The following PRKCE variants were observed in gnomAD, a reference collection of about 807,000 sequenced individuals.
The protein encoded by PRKCE is protein kinase C epsilon, also known as protein kinase C epsilon type.
PRKCE carries 16 observed loss-of-function variants against 85.4 expected under a neutral mutation model. That is an observed-to-expected ratio of 0.19 (90% CI 0.13 to 0.28). The LOEUF is 0.28. PRKCE is among the 10% of genes least tolerant of loss of function. The probability of loss-of-function intolerance (pLI) is 1.00; values close to 1 mark genes in which losing one functional copy is unlikely to be tolerated. For missense variants in PRKCE, 573 were observed against 975.2 expected (o/e 0.59, Z 5.49); for synonymous variants, 388 against 371.5 (o/e 1.04, Z -0.51).
chr2:45,855,635 GA>G (rs1025783575), intron 2 of PRKCE, among the ~76,000 whole-genome samples: 7 of 152,194 alleles, frequency 4.6e-5, no homozygotes, highest in Non-Finnish European at 1.0e-4. Context: ...GACTTTAGGG[GA>G]AACATCCTTT....
intron 2 of PRKCE, among the ~76,000 whole-genome samples, chr2:45,930,588 G>C (rs995718352): frequency 1.3e-5 from 2 of 152,256 alleles, no homozygotes; most frequent in Non-Finnish European, 2.9e-5. Context: ...TCCTTTGTCT[G>C]TGGAGGGCAT....
chr2:46,036,764 C>T (rs889392081), intron 10 of PRKCE, among the ~76,000 whole-genome samples: 3 of 152,130 alleles, frequency 2.0e-5, no homozygotes, highest in African/African-American at 4.8e-5. Flanking sequence ...ACACTGCAAG[C>T]CCGGCGGACA....
At chr2:46,086,822 T>G (rs1340173528) in intron 11 of PRKCE, among the ~76,000 whole-genome samples, 1 of 152,174 alleles carries the variant, frequency 6.6e-6, no homozygotes, top group Non-Finnish European at 1.5e-5. Context: ...CTTGAGGGAC[T>G]GGGGGTTTAT....
chr2:45,992,572 C>G (rs529983501), intron 6 of PRKCE, among the ~76,000 whole-genome samples: 4 of 152,232 alleles, frequency 2.6e-5, no homozygotes, highest in Non-Finnish European at 5.9e-5. Context: ...CTTGGCATGA[C>G]TGGAACCTGT....
chr2:45,659,427 C>G (rs1016648161), intron 1 of PRKCE, among the ~76,000 whole-genome samples: 2 of 152,224 alleles, frequency 1.3e-5, no homozygotes, highest in African/African-American at 4.8e-5. Flanking sequence ...TCACTATTAT[C>G]TCACACCTGG....
chr2:46,027,271 G>A (rs937031666), intron 10 of PRKCE, among the ~76,000 whole-genome samples: 2 of 152,138 alleles, frequency 1.3e-5, no homozygotes, highest in Non-Finnish European at 2.9e-5. Context: ...GGAGGTTGAG[G>A]CTGCAGTGAA....
chr2:45,935,199 A>G (rs1436139340), intron 2 of PRKCE, among the ~76,000 whole-genome samples: 4 of 152,180 alleles, frequency 2.6e-5, no homozygotes, highest in African/African-American at 9.7e-5. Flanking sequence ...GTGAGTACAT[A>G]TATTTGTTTT....
At chr2:46,113,230 A>T (rs1672439417) in intron 11 of PRKCE, among the ~76,000 whole-genome samples, 1 of 152,244 alleles carries the variant, frequency 6.6e-6, no homozygotes, top group Non-Finnish European at 1.5e-5. Flanking sequence ...GTGGTCAGTT[A>T]CTGCAAGTGT....
chr2:46,075,494 A>G (rs765329945), intron 10 of PRKCE, among the ~76,000 whole-genome samples: 6 of 152,012 alleles, frequency 3.9e-5, no homozygotes, highest in Non-Finnish European at 7.4e-5. Flanking sequence ...TAATCCCAGC[A>G]TTTTGGGAGG....
At chr2:46,063,348 GA>G (rs547596116) in intron 10 of PRKCE, among the ~76,000 whole-genome samples, 1,227 of 117,854 alleles carry the variant, frequency 0.01, 8 homozygotes, top group African/African-American at 0.023. Context: ...AAGTTGAACA[GA>G]AAAAAAAAAA....
intron 6 of PRKCE, among the ~76,000 whole-genome samples, chr2:45,987,986 G>C (rs760052727): frequency 7.9e-5 from 12 of 152,182 alleles, no homozygotes; most frequent in Non-Finnish European, 1.5e-4. Flanking sequence ...TCAAGACTTA[G>C]TGACCTGCAA....
At chr2:45,755,735 T>C (rs1434909795) in intron 1 of PRKCE, among the ~76,000 whole-genome samples, 1 of 152,194 alleles carries the variant, frequency 6.6e-6, no homozygotes, top group Non-Finnish European at 1.5e-5. Flanking sequence ...TATTATTGTA[T>C]GTATTACCAG....
At chr2:46,130,265 C>T (rs1047556516) in intron 11 of PRKCE, among the ~76,000 whole-genome samples, 1 of 151,900 alleles carries the variant, frequency 6.6e-6, no homozygotes, top group African/African-American at 2.4e-5. Flanking sequence ...CATATTTACA[C>T]TATATGTATA....
rs377738383 is a variant in PRKCE, at chr2:46,007,485, A to G, written c.1087A>G (p.Ile363Val). ...DQEIKELENNIRKALSFDNRG... is the reference protein window; with the variant it reads ...DQEIKELENNVRKALSFDNRG... ...AGAAATAAAAGAACTTGAGAACAAC[A>G]TTCGGAAAGCCTTGTCATTTGACAA... The change falls in exon 9 of 15, where the codon ATT becomes GTT. Residue 363 changes from isoleucine to valine, a missense_variant. Ile to Val is a conservative substitution (Grantham distance 29). Coordinates refer to ENST00000306156, the MANE Select transcript of PRKCE (RefSeq NM_005400.3). The G allele has an allele frequency of 7.5e-6, 12 of 1,599,694 alleles. No homozygotes were observed. In the East Asian group the frequency reaches 1.1e-4, roughly 15 times the overall value.
intron 11 of PRKCE, among the ~76,000 whole-genome samples, chr2:46,103,691 T>C (rs1671450283): frequency 6.6e-6 from 1 of 152,210 alleles, no homozygotes; most frequent in Non-Finnish European, 1.5e-5. Flanking sequence ...GCCCATATTT[T>C]GTATGTTACA....
intron 11 of PRKCE, among the ~76,000 whole-genome samples, chr2:46,112,990 G>A (rs1234757462): frequency 6.6e-6 from 1 of 152,084 alleles, no homozygotes; most frequent in Non-Finnish European, 1.5e-5. Context: ...TATTGTCATA[G>A]TACCCTCCTC....
At chr2:46,162,826 A>G (rs1024238004) in intron 14 of PRKCE, among the ~76,000 whole-genome samples, 4 of 152,230 alleles carry the variant, frequency 2.6e-5, no homozygotes, top group African/African-American at 9.6e-5. Flanking sequence ...AAAATAAACG[A>G]GAGTGGTCCA....
In PRKCE at chr2:45,786,193, C is replaced by T. The variant is rs1351999124; in HGVS notation, c.349-56807C>T. ...GCAGTCTGCCAGTGACTTATTTATC[C>T]CCCGTGCTGCTTCTTGCTCTCCGGT... On this transcript the variant is annotated intron_variant, in intron 1 of 14. Transcript: ENST00000306156. The surrounding 1 kb of genome is among the most constrained non-coding windows in gnomAD (Gnocchi z 5.3). Among the ~76,000 whole-genome samples, 2 of 152,112 alleles carry T rather than the reference C, an allele frequency of 1.3e-5. No individual in the cohort carries two copies. Among genetic ancestry groups the T allele is most frequent in the African/African-American group, 4.8e-5 (2 of 41,406 alleles).
intron 6 of PRKCE, among the ~76,000 whole-genome samples, chr2:45,997,308 T>C (rs548375192): frequency 9.9e-5 from 15 of 152,214 alleles, no homozygotes; most frequent in Non-Finnish European, 1.9e-4. Context: ...TGTTTTTAAT[T>C]CAAATGATTT....
Sources: allele counts gnomAD v4.1 joint callset (sites outside exome capture counted in the v4.1 genomes callset), GRCh38; gene constraint gnomAD v4.1.1; non-coding constraint Gnocchi (gnomAD v3.1); transcripts MANE v1.5; gene names NCBI Gene and HGNC (gene_info 2026-07-23, HGNC 2026-07-21).